The following PRELID2 variants were observed in gnomAD, a reference collection of about 807,000 sequenced individuals.
PRELID2 encodes PRELI domain containing 2, also known as PRELI domain-containing protein 2.
PRELID2 carries 25 observed loss-of-function variants against 28.4 expected under a neutral mutation model. The observed-to-expected ratio is 0.88, with a 90% CI of 0.64 to 1.23. The LOEUF is 1.23. Among genes scored for constraint, PRELID2 ranks in the 50% most tolerant of loss-of-function variants. The pLI is 0.00. For missense variants in PRELID2, 201 were observed against 214.4 expected (o/e 0.94, Z 0.39); for synonymous variants, 76 against 71.6 (o/e 1.06, Z -0.31).
chr5:145,653,155 G>T (rs1007420841), intron 1 of PRELID2, among the ~76,000 whole-genome samples: 4 of 152,148 alleles, frequency 2.6e-5, no homozygotes, highest in Non-Finnish European at 4.4e-5. Context: ...GACAAAGAAG[G>T]CCATTACATA....
the PRELID2 span, among the ~76,000 whole-genome samples, chr5:145,301,354 C>T: frequency 5.7e-4 from 86 of 151,962 alleles, 1 homozygote; most frequent in African/African-American, 2.0e-3. Flanking sequence ...AGACATTTAC[C>T]CATTTTTATA....
the PRELID2 span, among the ~76,000 whole-genome samples, chr5:145,240,042 A>G: frequency 3.9e-5 from 6 of 152,054 alleles, no homozygotes; most frequent in Non-Finnish European, 7.4e-5. Flanking sequence ...AAGTTCTTTG[A>G]CAACAAGGTT....
intron 1 of PRELID2, among the ~76,000 whole-genome samples, chr5:145,479,298 T>C (rs1209882850): frequency 1.3e-5 from 2 of 152,206 alleles, no homozygotes; most frequent in East Asian, 1.9e-4. Flanking sequence ...GCCATAGTTA[T>C]TGGCTTCTGT....
intron 1 of PRELID2, among the ~76,000 whole-genome samples, chr5:145,572,074 A>G (rs532605540): frequency 4.6e-5 from 7 of 152,288 alleles, no homozygotes; most frequent in Admixed American, 4.6e-4. Flanking sequence ...GTATAATAAG[A>G]ACCTTGGTCT....
chr5:145,243,220 A>G, the PRELID2 span, among the ~76,000 whole-genome samples: 2 of 152,056 alleles, frequency 1.3e-5, no homozygotes, highest in Non-Finnish European at 2.9e-5. Context: ...CAAAACCACA[A>G]AAGAGTTGGA....
At chr5:145,481,961 G>A (rs1367651344) in intron 1 of PRELID2, among the ~76,000 whole-genome samples, 3 of 152,116 alleles carry the variant, frequency 2.0e-5, no homozygotes, top group South Asian at 4.1e-4. Context: ...TTGATGTAAC[G>A]AACTCCAACA....
chr5:145,445,535 C>T, the PRELID2 span, among the ~76,000 whole-genome samples: 1 of 151,908 alleles, frequency 6.6e-6, no homozygotes, highest in East Asian at 1.9e-4. Context: ...GGAATTTTAT[C>T]ATATTAAAAA....
chr5:145,352,008 A>G, the PRELID2 span, among the ~76,000 whole-genome samples: 2 of 152,174 alleles, frequency 1.3e-5, no homozygotes, highest in Non-Finnish European at 2.9e-5. Flanking sequence ...TTTGCAGGGT[A>G]CAACCCCCGT....
intron 1 of PRELID2, among the ~76,000 whole-genome samples, chr5:145,481,277 TCCTA>T (rs1752156804): frequency 6.6e-6 from 1 of 152,022 alleles, no homozygotes; most frequent in Non-Finnish European, 1.5e-5. Context: ...GTAGCTTTTT[TCCTA>T]CCTTTTTTCT....
chr5:145,475,656 A>G (rs185643826), intron 1 of PRELID2, among the ~76,000 whole-genome samples: 203 of 152,346 alleles, frequency 1.3e-3, no homozygotes, highest in Middle Eastern at 0.01. Context: ...ATGTAAGAAT[A>G]GAGTTTAGGA....
At chr5:145,552,136 G>A (rs1752841171) in intron 1 of PRELID2, among the ~76,000 whole-genome samples, 1 of 152,138 alleles carries the variant, frequency 6.6e-6, no homozygotes, top group Non-Finnish European at 1.5e-5. Flanking sequence ...CACAGAAATA[G>A]GACCAGGTTG....
intron 1 of PRELID2, among the ~76,000 whole-genome samples, chr5:145,590,823 G>T (rs1281364240): frequency 6.6e-6 from 1 of 151,940 alleles, no homozygotes; most frequent in Non-Finnish European, 1.5e-5. Flanking sequence ...GTTTGCCTAT[G>T]CCCCCCACTG....
At chr5:145,338,943 A>G in the PRELID2 span, among the ~76,000 whole-genome samples, 2 of 152,230 alleles carry the variant, frequency 1.3e-5, no homozygotes, top group African/African-American at 4.8e-5. Context: ...GAATTGAAGT[A>G]GATACTAATT....
the PRELID2 span, among the ~76,000 whole-genome samples, chr5:145,314,073 T>C: frequency 6.6e-6 from 1 of 152,180 alleles, no homozygotes; most frequent in Non-Finnish European, 1.5e-5. Context: ...TTAAATTATG[T>C]CATATCACTT....
the PRELID2 span, among the ~76,000 whole-genome samples, chr5:145,292,277 TGAAA>T: frequency 6.6e-6 from 1 of 152,150 alleles, no homozygotes; most frequent in Non-Finnish European, 1.5e-5. Flanking sequence ...ATATCAGCTG[TGAAA>T]GAATTTTGCA....
intron 1 of PRELID2, among the ~76,000 whole-genome samples, chr5:145,511,237 C>T (rs779164463): frequency 7.9e-4 from 121 of 152,300 alleles, no homozygotes; most frequent in African/African-American, 1.6e-3. Flanking sequence ...AAGAAATGCA[C>T]ATGCATAGCT....
At chr5:145,630,967 A>C (rs1403006176) in intron 1 of PRELID2, among the ~76,000 whole-genome samples, 1 of 152,182 alleles carries the variant, frequency 6.6e-6, no homozygotes, top group East Asian at 1.9e-4. Flanking sequence ...GTTTGGGCCA[A>C]ATCAATTAAT....
chr5:145,432,355 C>T, the PRELID2 span, among the ~76,000 whole-genome samples: 1 of 151,098 alleles, frequency 6.6e-6, no homozygotes, highest in Non-Finnish European at 1.5e-5. Flanking sequence ...TAAGGAACTT[C>T]CCAATTCAGT....
At chr5:145,250,157 C>G in the PRELID2 span, among the ~76,000 whole-genome samples, 5 of 152,068 alleles carry the variant, frequency 3.3e-5, no homozygotes, top group African/African-American at 1.2e-4. Context: ...AACCATTACT[C>G]TTTAGAATTA....
Sources: gnomAD v4.1 joint callset for allele counts (sites outside exome capture counted in the v4.1 genomes callset) on GRCh38, gnomAD v4.1.1 for gene constraint, MANE v1.5 for transcripts, NCBI Gene and HGNC (gene_info 2026-07-23, HGNC 2026-07-21) for gene names.